MUC12: variants seen among roughly 807,000 people sequenced by gnomAD.
MUC12 encodes mucin-12.
A neutral mutation model predicts 230.8 loss-of-function variants in MUC12; 172 were observed. That is an observed-to-expected ratio of 0.75 (90% CI 0.66 to 0.85). MUC12 has a LOEUF of 0.85. MUC12 is among the 40% of genes least tolerant of loss of function. MUC12 has a pLI of 0.00. For synonymous variants in MUC12, 1,259 were observed against 2,401.9 expected (o/e 0.52, Z 13.91); for missense variants, 3,506 against 5,920.6 (o/e 0.59, Z 13.38).
Position 100,990,762 on chromosome 7 carries a change from C to T in MUC12, c.199C>T (p.His67Tyr), listed in dbSNP as rs1044216339. 2.6e-6 allele frequency: 4 copies of T among 1,537,766 alleles called. No homozygotes were observed. Among genetic ancestry groups the T allele is most frequent in the Non-Finnish European group, 3.5e-6 (4 of 1,147,062 alleles). ...TATCACGGGCTCAACTGCAACAAAA[C>T]ACTTCCTTGACAGCTCCACAAACTC... ...TFITGSTATK[H>Y]FLDSSTNSGH... Residue 67 changes from histidine (H) to tyrosine (Y), a missense_variant, in exon 2 of 12, where the codon CAC (histidine) becomes TAC (tyrosine). Coordinates refer to ENST00000536621, the MANE Select transcript of MUC12 (RefSeq NM_001164462.2).
chr7:100,971,104 C>T (rs1052394623), intron 1 of MUC12, among the ~76,000 whole-genome samples: 7 of 150,360 alleles, frequency 4.7e-5, no homozygotes, highest in Admixed American at 1.3e-4. Context: ...TGCAGTGAGC[C>T]GAGATTGCAC....
intron 1 of MUC12, among the ~76,000 whole-genome samples, chr7:100,973,921 G>A (rs796526478): frequency 6.6e-6 from 1 of 151,816 alleles, no homozygotes; most frequent in East Asian, 1.9e-4. Context: ...GGGAGGCCAA[G>A]GCAGGAGGAT....
chr7:101,007,045 A>G (rs919099799), intron 3 of MUC12, among the ~76,000 whole-genome samples: 1 of 151,886 alleles, frequency 6.6e-6, no homozygotes, highest in African/African-American at 2.4e-5. Flanking sequence ...TGCAACCTCC[A>G]CCTCCTGGGT....
rs1166488078 is a variant in MUC12 at position 101,015,602 on chromosome 7, T to C, written c.15801-13T>C. ...TCCTTGCCTACAGCTGCTCAAGGCA[T>C]TTCTGTCTGCAGGGAACAGTATGAT... On this transcript the variant is annotated splice_polypyrimidine_tract_variant and intron_variant, in intron 9 of 11. Transcript: ENST00000536621. The C allele has an allele frequency of 6.5e-7, 1 of 1,537,286 alleles. No individual in the cohort carries two copies. Among genetic ancestry groups the C allele is most frequent in the Non-Finnish European group, 8.7e-7 (1 of 1,146,860 alleles).
Position 100,991,413 on chromosome 7 carries a change from TCAAAG to T in MUC12, c.851_855del (p.Ser284Ter). The stretch of plus-strand genomic sequence containing the variant: ...TACCACCTTCCAGAGCTGGCCAAGC[TCAAAG>T]GACACTTCGCCTGCACCTTCTGGTA... On this transcript the variant is annotated frameshift_variant, in exon 2 of 12. Coordinates refer to ENST00000536621, the MANE Select transcript of MUC12 (RefSeq NM_001164462.2). LOFTEE classifies it high-confidence loss of function. 6.5e-7 allele frequency: 1 copy of T among 1,537,694 alleles called. No individual in the cohort carries two copies. The highest frequency in any genetic ancestry group is 8.7e-7 in the Non-Finnish European group (1 of 1,147,022).
chr7:101,013,033 G>A lies in MUC12; in HGVS notation c.15529G>A (p.Val5177Ile), dbSNP rs371742181. 2.0e-6 allele frequency: 3 copies of A among 1,537,376 alleles called. No homozygotes were observed. The highest frequency in any genetic ancestry group is 2.6e-6 in the Non-Finnish European group (3 of 1,146,934). ...ATATACCCAGTTCTACTATGTGGAT[G>A]TCTTGGATGGGAAGCTGGCCTGTGT... ...EGYTQFYYVD[V>I]LDGKLACVNK... The change falls in exon 8 of 12, where the codon GTC becomes ATC. Residue 5177 changes from valine to isoleucine, a missense_variant. Val to Ile is a conservative substitution (Grantham distance 29, BLOSUM62 3). Coordinates refer to ENST00000536621, the MANE Select transcript of MUC12 (RefSeq NM_001164462.2).
Position 101,005,009 on chromosome 7 carries a change from T to G in MUC12, c.14446T>G (p.Ser4816Ala). Residue 4816 changes from serine (S) to alanine (A), a missense_variant, in exon 2 of 12, where the codon TCA becomes GCA. Coordinates refer to ENST00000536621, the MANE Select transcript of MUC12 (RefSeq NM_001164462.2). ...ACTGTCCCCTGGCAGCATCACAACT[T>G]CATCTTTTGCTCAAGAATTTACCAC... Reference protein sequence around the residue: ...TTLSPGSITTSSFAQEFTTPH... With the variant: ...TTLSPGSITTASFAQEFTTPH... The G allele has an allele frequency of 6.5e-7, 1 of 1,537,592 alleles. No individual in the cohort carries two copies. Among genetic ancestry groups the G allele is most frequent in the Non-Finnish European group, 8.7e-7 (1 of 1,146,996 alleles).
At chr7:100,987,794 G>A (rs1322078214) in intron 1 of MUC12, among the ~76,000 whole-genome samples, 1 of 151,974 alleles carries the variant, frequency 6.6e-6, no homozygotes, top group African/African-American at 2.4e-5. Flanking sequence ...CCAACATGGA[G>A]AAACCCCACC....
intron 10 of MUC12, chr7:101,016,866 C>T (rs1793931894): frequency 6.5e-6 from 1 of 152,684 alleles, no homozygotes; most frequent in Non-Finnish European, 1.5e-5. Flanking sequence ...CTGGTGGGTG[C>T]TGAGGAGGAG....
In MUC12 at chr7:100,991,499, T is replaced by C. The variant is rs1263370328; in HGVS notation, c.936T>C (p.Thr312=). The C allele has an allele frequency of 5.2e-6, 8 of 1,536,936 alleles. No homozygotes were observed. Among genetic ancestry groups the C allele is most frequent in the South Asian group, 3.6e-5 (3 of 84,038 alleles). The change falls in exon 2 of 12, where the codon ACT becomes ACC. Residue 312 remains threonine (T), a synonymous_variant. Coordinates refer to ENST00000536621, the MANE Select transcript of MUC12 (RefSeq NM_001164462.2). ...STTYHSSPSS[T]PTTHFSASST... is the part of the protein sequence containing the mutation. ...CTTATCACAGCAGCCCGAGCTCAACTCCAACAACCCACTTTTCTGCCAGCT... is the reference window on the plus strand; with the variant it reads ...CTTATCACAGCAGCCCGAGCTCAACCCCAACAACCCACTTTTCTGCCAGCT...
At chr7:100,972,819 T>C in intron 1 of MUC12, 1 of 699,952 alleles carries the variant, frequency 1.4e-6, no homozygotes, top group Non-Finnish European at 2.6e-6. Context: ...CATCTGTAGC[T>C]TTTCTTCCTA....
chr7:101,012,413 T>C lies in MUC12; in HGVS notation c.15369T>C (p.Thr5123=). Residue 5123 remains threonine (T), a synonymous_variant, in exon 6 of 12, where the codon ACT becomes ACC. Transcript: ENST00000536621. ...EIVKAKIMNE[T]RTTLLDPDSC... ...TAAAGGCCAAGATTATGAATGAAACTAGAACAACTCTTCTTGATCCTGATT... is the reference window on the plus strand; with the variant it reads ...TAAAGGCCAAGATTATGAATGAAACCAGAACAACTCTTCTTGATCCTGATT... 6.5e-7 allele frequency: 1 copy of C among 1,537,884 alleles called. No individual in the cohort carries two copies. Among genetic ancestry groups the C allele is most frequent in the Non-Finnish European group, 8.7e-7 (1 of 1,147,038 alleles).
chr7:100,980,178 G>A (rs987326629), intron 1 of MUC12, among the ~76,000 whole-genome samples: 14 of 151,982 alleles, frequency 9.2e-5, no homozygotes, highest in African/African-American at 3.4e-4. Context: ...CGAGTAGCTG[G>A]GTCTATAGGT....
At chr7:101,013,212 C>T in intron 8 of MUC12, 70 bp downstream of exon 8, 2 of 1,505,344 alleles carry the variant, frequency 1.3e-6, no homozygotes, top group South Asian at 2.5e-5. Flanking sequence ...CCAGCAGTCA[C>T]CCACAGGGTT....
intron 5 of MUC12, among the ~76,000 whole-genome samples, chr7:101,010,703 CAGGGTTT>C (rs1793828760): frequency 6.6e-6 from 1 of 152,054 alleles, no homozygotes; most frequent in Non-Finnish European, 1.5e-5. Flanking sequence ...TTAGTAGAGA[CAGGGTTT>C]CACCACGTTG....
At chr7:100,975,743 G>A (rs1261183117) in intron 1 of MUC12, among the ~76,000 whole-genome samples, 1 of 152,306 alleles carries the variant, frequency 6.6e-6, no homozygotes, top group Non-Finnish European at 1.5e-5. Context: ...AGTAGGACAG[G>A]AAGGAAGTAT....
intron 1 of MUC12, among the ~76,000 whole-genome samples, chr7:100,989,759 C>T (rs1264915592): frequency 1.3e-5 from 2 of 151,830 alleles, no homozygotes; most frequent in Non-Finnish European, 2.9e-5. Flanking sequence ...GTCATGATCT[C>T]AGCTCACTGC....
rs574708329 is a variant in MUC12, at chr7:101,004,842, C to T, written c.14279C>T (p.Ser4760Phe). 6.5e-7 allele frequency: 1 copy of T among 1,537,224 alleles called. No homozygotes were observed. The highest frequency in any genetic ancestry group is 1.2e-5 in the South Asian group (1 of 84,040). The change falls in exon 2 of 12, where the codon TCC (serine) becomes TTC (phenylalanine). Residue 4760 changes from serine (S) to phenylalanine (F), a missense_variant. By Grantham distance (155) the Ser-to-Phe change is radical. Transcript: ENST00000536621. The part of the protein sequence containing the change: ...QTLSPASMTS[S>F]SISGEPTSLY... The stretch of plus-strand genomic sequence containing the variant: ...CTCTCACCTGCCAGCATGACAAGCT[C>T]CAGCATCAGTGGAGAACCCACCAGC...
chr7:100,969,714 C>A, intron 1 of MUC12, 25 bp downstream of exon 1: 1 of 1,537,402 alleles, frequency 6.5e-7, no homozygotes, highest in Non-Finnish European at 8.7e-7. Context: ...GCTGATGCTC[C>A]AGGTCCAGTG....
Sources: allele counts gnomAD v4.1 joint callset (sites outside exome capture counted in the v4.1 genomes callset), GRCh38; gene constraint gnomAD v4.1.1; transcripts MANE v1.5; gene names NCBI Gene and HGNC (gene_info 2026-07-23, HGNC 2026-07-21).